Variants in ZNF469 observed in about 807,000 individuals in gnomAD.
ZNF469 encodes zinc finger protein 469.
A neutral mutation model predicts 1.0 loss-of-function variants in ZNF469; 1 was observed. The ratio of observed to expected loss-of-function variants is 1.00; its 90% CI spans 0.35 to 4.73. The LOEUF (loss-of-function observed/expected upper bound fraction) is 4.73, where lower values mean the gene tolerates loss of function less well. Among genes scored for constraint, ZNF469 ranks in the 30% most tolerant of loss-of-function variants. ZNF469 has a pLI of 0.16. For synonymous variants in ZNF469, 2,703 were observed against 2,363.4 expected (o/e 1.14, Z -4.17); for missense variants, 6,100 against 5,356.3 (o/e 1.14, Z -4.33).
chr16:88,342,160 C>T, the ZNF469 span, among the ~76,000 whole-genome samples: 2 of 152,242 alleles, frequency 1.3e-5, no homozygotes, highest in South Asian at 2.1e-4. Context: ...TCCAGCCCTT[C>T]GCCCCCCAGC....
the ZNF469 span, among the ~76,000 whole-genome samples, chr16:88,326,356 T>C: frequency 6.6e-6 from 1 of 152,238 alleles, no homozygotes; most frequent in Non-Finnish European, 1.5e-5. Flanking sequence ...CTGCCATGAT[T>C]GTGAGGTCTC....
the ZNF469 span, among the ~76,000 whole-genome samples, chr16:88,256,364 C>T: frequency 6.6e-6 from 1 of 152,226 alleles, no homozygotes; most frequent in Non-Finnish European, 1.5e-5. Flanking sequence ...ATGTCCTCCA[C>T]ATCCTTTCAT....
chr16:88,438,336 G>A lies in ZNF469; in HGVS notation c.10866G>A (p.Gly3622=). ...EGKRAPLVFS[G]KRRAPGARGR... is the part of the protein sequence containing the mutation. ...AGAGGGCTCCTCTCGTGTTCTCAGG[G>A]AAACGCAGGGCCCCGGGTGCCCGTG... Residue 3622 remains glycine, a synonymous_variant, in exon 3 of 3, where the codon GGG becomes GGA. Coordinates refer to ENST00000565624, the MANE Select transcript of ZNF469 (RefSeq NM_001367624.2). 6.5e-7 allele frequency: 1 copy of A among 1,550,218 alleles called. No homozygotes were observed. Among genetic ancestry groups the A allele is most frequent in the Non-Finnish European group, 8.7e-7 (1 of 1,146,956 alleles).
chr16:88,264,780 G>A, the ZNF469 span, among the ~76,000 whole-genome samples: 1 of 150,142 alleles, frequency 6.7e-6, no homozygotes, highest in Non-Finnish European at 1.5e-5. Flanking sequence ...GGGCTTTGGC[G>A]CAACCCTAGG....
At chr16:88,156,689 C>T in the ZNF469 span, among the ~76,000 whole-genome samples, 2 of 152,190 alleles carry the variant, frequency 1.3e-5, no homozygotes, top group Non-Finnish European at 2.9e-5. Context: ...ACCCCTGGAG[C>T]ACCAGGTGAT....
chr16:88,218,262 G>C, the ZNF469 span, among the ~76,000 whole-genome samples: 1 of 148,320 alleles, frequency 6.7e-6, no homozygotes, highest in Admixed American at 6.7e-5. Context: ...GTCTGTTCAT[G>C]TACTTCGCCC....
the ZNF469 span, among the ~76,000 whole-genome samples, chr16:88,213,155 G>A: frequency 6.6e-6 from 1 of 151,914 alleles, no homozygotes; most frequent in Non-Finnish European, 1.5e-5. Flanking sequence ...CTGGAGTGCA[G>A]TGGCACCATC....
chr16:88,243,913 T>TATAC, the ZNF469 span, among the ~76,000 whole-genome samples: 741 of 50,606 alleles, frequency 0.015, 32 homozygotes, highest in Non-Finnish European at 0.017. Flanking sequence ...GCTGGATGCA[T>TATAC]ATATATATAT....
At chr16:88,136,297 A>C in the ZNF469 span, among the ~76,000 whole-genome samples, 9 of 152,316 alleles carry the variant, frequency 5.9e-5, no homozygotes, top group South Asian at 1.7e-3. Context: ...GGCCCGCCCT[A>C]CAGGCACAGA....
chr16:88,105,932 G>A, the ZNF469 span, among the ~76,000 whole-genome samples: 2 of 152,238 alleles, frequency 1.3e-5, no homozygotes, highest in African/African-American at 4.8e-5. Context: ...GGGCCTGGCT[G>A]GCCTGGCCCA....
At chr16:88,240,215 C>T in the ZNF469 span, among the ~76,000 whole-genome samples, 2 of 152,212 alleles carry the variant, frequency 1.3e-5, no homozygotes, top group Non-Finnish European at 2.9e-5. Flanking sequence ...GAGGTCAGGA[C>T]GTGTCTTCTC....
the ZNF469 span, among the ~76,000 whole-genome samples, chr16:88,102,059 C>T: frequency 3.6e-5 from 5 of 138,806 alleles, no homozygotes; most frequent in Non-Finnish European, 7.9e-5. Context: ...ATTCACCCCC[C>T]CACCCCCGCC....
chr16:88,406,685 G>A (rs1905037196), intron 1 of ZNF469, among the ~76,000 whole-genome samples: 1 of 152,196 alleles, frequency 6.6e-6, no homozygotes, highest in Non-Finnish European at 1.5e-5. Flanking sequence ...CTCCCTGTGT[G>A]CATGTCTGCG....
At chr16:88,392,715 T>TC (rs955890399) in intron 1 of ZNF469, among the ~76,000 whole-genome samples, 1 of 152,222 alleles carries the variant, frequency 6.6e-6, no homozygotes, top group Non-Finnish European at 1.5e-5. Flanking sequence ...ACACCCCACT[T>TC]CCTTGCTCAC....
At chr16:88,286,271 C>T in the ZNF469 span, among the ~76,000 whole-genome samples, 1 of 152,256 alleles carries the variant, frequency 6.6e-6, no homozygotes, top group Admixed American at 6.5e-5. Context: ...TCCTGGGCCT[C>T]AGCGGCAGCT....
At chr16:88,291,687 C>G in the ZNF469 span, among the ~76,000 whole-genome samples, 33 of 152,086 alleles carry the variant, frequency 2.2e-4, no homozygotes, top group East Asian at 6.2e-3. Context: ...TGAGGGAGCC[C>G]CGTGCGGAAG....
the ZNF469 span, among the ~76,000 whole-genome samples, chr16:88,274,122 C>G: frequency 6.6e-6 from 1 of 152,184 alleles, no homozygotes; most frequent in Non-Finnish European, 1.5e-5. Flanking sequence ...TTTATTCAGC[C>G]TTAAGAAACT....
At chr16:88,229,617 G>A in the ZNF469 span, among the ~76,000 whole-genome samples, 1 of 148,408 alleles carries the variant, frequency 6.7e-6, no homozygotes, top group East Asian at 2.0e-4. Flanking sequence ...GTGTGCTGAT[G>A]TCACGCGTGT....
the ZNF469 span, among the ~76,000 whole-genome samples, chr16:88,123,656 TC>T: frequency 6.6e-6 from 1 of 152,064 alleles, no homozygotes; most frequent in East Asian, 1.9e-4. Flanking sequence ...AAAGGGGTCG[TC>T]CCCCCCAGTA....
Sources: gnomAD v4.1 joint callset for allele counts (sites outside exome capture counted in the v4.1 genomes callset) on GRCh38, gnomAD v4.1.1 for gene constraint, MANE v1.5 for transcripts, NCBI Gene and HGNC (gene_info 2026-07-23, HGNC 2026-07-21) for gene names.